Variants in NR5A2 observed in about 807,000 individuals in gnomAD.
NR5A2 encodes the protein CYP7A promoter-binding factor.
NR5A2 carries 26 observed loss-of-function variants against 62.7 expected under a neutral mutation model. That is an observed-to-expected ratio of 0.41 (90% CI 0.30 to 0.58). NR5A2 has a LOEUF of 0.58. NR5A2 is among the 20% of genes least tolerant of loss of function. The pLI is 0.22. For missense variants in NR5A2, 541 were observed against 669.1 expected (o/e 0.81, Z 2.11); for synonymous variants, 246 against 241.7 (o/e 1.02, Z -0.16).
rs530910736 is a variant in NR5A2, at chr1:200,166,749, T to C, written c.1379-7214T>C. Among the ~76,000 whole-genome samples the C allele has an allele frequency of 2.5e-4, 38 of 152,328 alleles. No homozygotes were observed. The South Asian group carries it at 7.7e-3, about 31-fold the overall frequency. ...CAGGCCTGGTCATAAATTCAAGATC[T>C]TCTTACTAGCATTAAAATCCTAGAT... On this transcript the variant is annotated intron_variant, in intron 7 of 7. Transcript: ENST00000367362.
intron 5 of NR5A2, among the ~76,000 whole-genome samples, chr1:200,091,506 A>G (rs1664813762): frequency 7.7e-6 from 1 of 129,866 alleles, no homozygotes; most frequent in African/African-American, 2.9e-5. Context: ...TTTTTTTGAG[A>G]CAGAGTCTTG....
intron 5 of NR5A2, among the ~76,000 whole-genome samples, chr1:200,110,462 T>C (rs192332148): frequency 6.6e-6 from 1 of 152,366 alleles, no homozygotes; most frequent in Non-Finnish European, 1.5e-5. Flanking sequence ...ATCCCCATTA[T>C]AATGTAGCAC....
intron 7 of NR5A2, among the ~76,000 whole-genome samples, chr1:200,121,832 A>G (rs1666493306): frequency 6.6e-6 from 1 of 152,242 alleles, no homozygotes; most frequent in Non-Finnish European, 1.5e-5. Flanking sequence ...CTTCAGTTAT[A>G]AGATAGTTGT....
intron 5 of NR5A2, among the ~76,000 whole-genome samples, 197 bp from the exon 6 acceptor site, chr1:200,111,005 A>G (rs1665915011): frequency 6.6e-6 from 1 of 152,102 alleles, no homozygotes; most frequent in African/African-American, 2.4e-5. Flanking sequence ...TAAAAAAACT[A>G]TTTGTCCGAA....
chr1:200,130,278 G>T (rs1666907629), intron 7 of NR5A2, among the ~76,000 whole-genome samples: 1 of 106,438 alleles, frequency 9.4e-6, no homozygotes, highest in African/African-American at 2.9e-5. Flanking sequence ...GAACTAACTA[G>T]GAAGAAGAAG....
At chr1:200,095,659 C>T (rs953612685) in intron 5 of NR5A2, among the ~76,000 whole-genome samples, 17 of 151,692 alleles carry the variant, frequency 1.1e-4, no homozygotes, top group Admixed American at 3.9e-4. Flanking sequence ...TTCACGCCAT[C>T]CTCCTGCCTC....
Position 200,111,335 on chromosome 1 carries a change from C to CAA in NR5A2, c.1230+14_1230+15insAA. 1 of 1,279,632 alleles carries CAA rather than the reference C, an allele frequency of 7.8e-7. No homozygotes were observed. Among genetic ancestry groups the CAA allele is most frequent in the Non-Finnish European group, 1.0e-6 (1 of 976,794 alleles). 79.3% of individuals were successfully genotyped at this position (1,279,632 alleles called of 1,614,324 possible). On this transcript the variant is annotated intron_variant, in intron 6 of 7. Transcript: ENST00000367362. ...ACTGGGCAACAAGTGAGTGTAGAGA[C>CAA]CAAAAAAAAAAAAAAAGCATCTTTT...
intron 7 of NR5A2, among the ~76,000 whole-genome samples, chr1:200,152,230 C>A (rs1166104662): frequency 1.3e-5 from 2 of 152,116 alleles, no homozygotes; most frequent in African/African-American, 4.8e-5. Flanking sequence ...CCTAACAAGT[C>A]CTGAATCTGA....
At chr1:200,088,431 A>G (rs756237423) in intron 5 of NR5A2, among the ~76,000 whole-genome samples, 6 of 151,008 alleles carry the variant, frequency 4.0e-5, no homozygotes, top group Non-Finnish European at 8.9e-5. Context: ...TTAATTTTGT[A>G]TTTTTAGTAG....
At chr1:200,141,932 C>A (rs1004697322) in intron 7 of NR5A2, among the ~76,000 whole-genome samples, 1 of 152,128 alleles carries the variant, frequency 6.6e-6, no homozygotes, top group African/African-American at 2.4e-5. Flanking sequence ...ACCGGAAGTG[C>A]ACATCCAATT....
chr1:200,156,785 T>C (rs989353738), intron 7 of NR5A2, among the ~76,000 whole-genome samples: 4 of 152,212 alleles, frequency 2.6e-5, no homozygotes, highest in African/African-American at 9.6e-5. Context: ...GGTTAGATGA[T>C]TTTGTCCAAC....
intron 5 of NR5A2, among the ~76,000 whole-genome samples, chr1:200,075,032 A>C (rs1281959484): frequency 2.6e-5 from 4 of 152,180 alleles, no homozygotes; most frequent in Non-Finnish European, 5.9e-5. Context: ...AGGAAAAATA[A>C]GTCTTAGAAT....
chr1:200,151,009 C>CTG (rs550558519), intron 7 of NR5A2, among the ~76,000 whole-genome samples: 45 of 152,246 alleles, frequency 3.0e-4, no homozygotes, highest in Middle Eastern at 3.4e-3. Flanking sequence ...TTTTTCCTCC[C>CTG]TGTTGTTTGC....
chr1:200,152,902 A>G (rs1558171264), intron 7 of NR5A2, among the ~76,000 whole-genome samples: 1 of 152,316 alleles, frequency 6.6e-6, no homozygotes, highest in East Asian at 1.9e-4. Flanking sequence ...GTTTCATCAG[A>G]GGATGCTGAG....
intron 7 of NR5A2, among the ~76,000 whole-genome samples, chr1:200,139,678 CTTTTG>C (rs143095818): frequency 0.063 from 9,539 of 152,042 alleles, 354 homozygotes; most frequent in Non-Finnish European, 0.081. Flanking sequence ...TTTCATTGTT[CTTTTG>C]TTTTGTTTTG....
At chr1:200,051,406 T>C (rs1217285675) in intron 5 of NR5A2, among the ~76,000 whole-genome samples, 2 of 152,238 alleles carry the variant, frequency 1.3e-5, no homozygotes, top group Admixed American at 6.5e-5. Context: ...GACTTCTTTA[T>C]ATAGCATGAG....
intron 7 of NR5A2, among the ~76,000 whole-genome samples, chr1:200,158,045 G>C (rs531461560): frequency 6.6e-6 from 1 of 152,288 alleles, no homozygotes; most frequent in Non-Finnish European, 1.5e-5. Flanking sequence ...TGATTGTGAT[G>C]TATTACTTTT....
intron 5 of NR5A2, among the ~76,000 whole-genome samples, chr1:200,091,802 T>C (rs111911914): frequency 3.3e-5 from 5 of 152,248 alleles, no homozygotes; most frequent in East Asian, 1.9e-4. Flanking sequence ...ATCTTAGTTA[T>C]TGTTCTCATC....
intron 6 of NR5A2, among the ~76,000 whole-genome samples, chr1:200,116,009 G>C (rs1003321882): frequency 6.6e-6 from 1 of 151,598 alleles, no homozygotes; most frequent in Non-Finnish European, 1.5e-5. Context: ...AGATTTCCAG[G>C]TTTACTTACA....
Sources: allele counts gnomAD v4.1 joint callset (sites outside exome capture counted in the v4.1 genomes callset), GRCh38; gene constraint gnomAD v4.1.1; transcripts MANE v1.5; gene names NCBI Gene and HGNC (gene_info 2026-07-23, HGNC 2026-07-21).